CDC42SE2: variants seen among roughly 807,000 people sequenced by gnomAD.
CDC42SE2 encodes the protein CDC42 small effector 2.
CDC42SE2 carries 3 observed loss-of-function variants against 11.5 expected under a neutral mutation model. That is an observed-to-expected ratio of 0.26 (90% CI 0.12 to 0.67). The LOEUF (loss-of-function observed/expected upper bound fraction) is 0.67, where lower values mean the gene tolerates loss of function less well. Ranked by LOEUF, CDC42SE2 falls within the 30% of genes least tolerant of loss-of-function variation. CDC42SE2 has a pLI of 0.80. For missense variants in CDC42SE2, 82 were observed against 106.8 expected (o/e 0.77, Z 1.02); for synonymous variants, 33 against 34.8 (o/e 0.95, Z 0.18).
chr5:131,289,120 A>G (rs904970059), intron 1 of CDC42SE2, among the ~76,000 whole-genome samples: 1 of 152,120 alleles, frequency 6.6e-6, no homozygotes, highest in African/African-American at 2.4e-5. Context: ...TTTCTGGTGT[A>G]TTGTCTGTTG....
the CDC42SE2 span, among the ~76,000 whole-genome samples, chr5:131,216,521 AAC>A: frequency 6.6e-6 from 1 of 151,626 alleles, no homozygotes; most frequent in African/African-American, 2.4e-5. Flanking sequence ...AAAAAAAAAA[AAC>A]ATTATAGACT....
the CDC42SE2 span, among the ~76,000 whole-genome samples, chr5:131,234,033 T>C: frequency 1.3e-4 from 20 of 152,206 alleles, no homozygotes; most frequent in Non-Finnish European, 2.5e-4. Context: ...AATCTGGCAC[T>C]AGATTATTAT....
At chr5:131,304,178 C>G (rs986865957) in intron 1 of CDC42SE2, among the ~76,000 whole-genome samples, 5 of 151,908 alleles carry the variant, frequency 3.3e-5, no homozygotes, top group Admixed American at 6.6e-5. Flanking sequence ...GAAATGGGGT[C>G]TCTCTACATT....
intron 2 of CDC42SE2, among the ~76,000 whole-genome samples, chr5:131,346,972 C>T (rs1001004411): frequency 6.7e-6 from 1 of 148,824 alleles, no homozygotes; most frequent in Non-Finnish European, 1.5e-5. Context: ...AAAGACACAA[C>T]AAATCTCCGG....
intron 1 of CDC42SE2, among the ~76,000 whole-genome samples, chr5:131,285,893 CCTT>C (rs1561572320): frequency 6.6e-6 from 1 of 152,044 alleles, no homozygotes; most frequent in Admixed American, 6.6e-5. Flanking sequence ...TGTTTCTAAA[CCTT>C]CTTTGTGTCA....
rs142256745 is a variant in CDC42SE2, at chr5:131,283,620, A to G, written c.-455+19454A>G. 7.1e-3 allele frequency among the ~76,000 whole-genome samples: 1,071 copies of G among 151,650 alleles called. 27 individuals carry two copies. The highest frequency in any genetic ancestry group is 0.058 in the Admixed American group (889 of 15,246). On this transcript the variant is annotated intron_variant, in intron 1 of 4. Transcript: ENST00000505065. The stretch of plus-strand genomic sequence containing the variant: ...GTGATTCTCCTGCCTCAGCCTCCCA[A>G]GTAACTGGGATTGCAGGCCTGTGCC...
At position 131,275,493 on chromosome 5, in the gene CDC42SE2, C is replaced by T. The variant is rs143127315; in HGVS notation, c.-455+11327C>T. On this transcript the variant is annotated intron_variant, in intron 1 of 4. Coordinates refer to ENST00000505065, the MANE Select transcript of CDC42SE2 (RefSeq NM_001375635.1). ...GTTTTTAGTAGGGACCAGGTTTCAC[C>T]ATATTGGCCAGGCTGGTCTCAAACT... 4.1e-3 allele frequency among the ~76,000 whole-genome samples: 628 copies of T among 152,024 alleles called. 4 individuals carry two copies. Among genetic ancestry groups the T allele is most frequent in the African/African-American group, 0.013 (544 of 41,452 alleles).
At chr5:131,211,024 G>T in the CDC42SE2 span, among the ~76,000 whole-genome samples, 15,046 of 152,196 alleles carry the variant, frequency 0.099, 913 homozygotes, top group South Asian at 0.14. Flanking sequence ...TTTTAGTAGA[G>T]ATGAGGTTTT....
chr5:131,321,718 C>T (rs933152233), intron 2 of CDC42SE2, among the ~76,000 whole-genome samples: 3 of 148,506 alleles, frequency 2.0e-5, no homozygotes, highest in Non-Finnish European at 2.9e-5. Context: ...ATTCTATCTT[C>T]CCCCCCGCCA....
chr5:131,266,568 T>C (rs569538595), intron 1 of CDC42SE2, among the ~76,000 whole-genome samples: 1 of 151,678 alleles, frequency 6.6e-6, no homozygotes, highest in Non-Finnish European at 1.5e-5. Flanking sequence ...CGAGCTATTC[T>C]CATGCCTCAG....
chr5:131,325,319 A>G (rs1308655323), intron 2 of CDC42SE2, among the ~76,000 whole-genome samples: 1 of 152,178 alleles, frequency 6.6e-6, no homozygotes, highest in Non-Finnish European at 1.5e-5. Context: ...CTTCTTTATC[A>G]ACATTGAATA....
chr5:131,306,976 C>G (rs1000980439), intron 1 of CDC42SE2, among the ~76,000 whole-genome samples: 5 of 151,940 alleles, frequency 3.3e-5, no homozygotes, highest in Admixed American at 6.6e-5. Context: ...TCAGTTCTAA[C>G]AGTTTTTTGG....
At chr5:131,338,796 C>T (rs144197444) in intron 2 of CDC42SE2, among the ~76,000 whole-genome samples, 3 of 152,104 alleles carry the variant, frequency 2.0e-5, no homozygotes, top group Admixed American at 6.5e-5. Context: ...TACTGCCGAT[C>T]CAAATATGTA....
rs867830436 is a variant in CDC42SE2 at position 131,392,527 on chromosome 5, T to C, written c.*1436T>C. On this transcript the variant is annotated 3_prime_UTR_variant, in exon 5 of 5. Coordinates refer to ENST00000505065, the MANE Select transcript of CDC42SE2 (RefSeq NM_001375635.1). ...AAGTATGACCTTTTGGTCTGTTTGA[T>C]TGATTGATTAGAATTGCAATAAAAG... is the stretch of plus-strand genomic sequence containing the variant. 6.6e-6 allele frequency: 1 copy of C among 152,132 alleles called. No homozygotes were observed. The highest frequency in any genetic ancestry group is 2.4e-5 in the African/African-American group (1 of 41,414). 9.4% of individuals were successfully genotyped at this position (152,132 alleles called of 1,614,324 possible).
At chr5:131,229,572 T>G in the CDC42SE2 span, among the ~76,000 whole-genome samples, 1 of 152,092 alleles carries the variant, frequency 6.6e-6, no homozygotes, top group African/African-American at 2.4e-5. Flanking sequence ...TCAGTAATTG[T>G]TTTTTTAGCA....
chr5:131,367,984 T>C (rs1749907126), intron 3 of CDC42SE2, among the ~76,000 whole-genome samples: 1 of 152,112 alleles, frequency 6.6e-6, no homozygotes. Context: ...ACAGGCACGG[T>C]GGCTCACACC....
At chr5:131,268,679 C>T (rs1237860760) in intron 1 of CDC42SE2, among the ~76,000 whole-genome samples, 1 of 149,158 alleles carries the variant, frequency 6.7e-6, no homozygotes, top group Non-Finnish European at 1.5e-5. Context: ...CTCGAACTCC[C>T]GACTTCAGGT....
intron 1 of CDC42SE2, among the ~76,000 whole-genome samples, chr5:131,270,191 G>A (rs550330399): frequency 6.6e-6 from 1 of 152,138 alleles, no homozygotes; most frequent in South Asian, 2.1e-4. Context: ...TGGCTAACAC[G>A]GTGAAACCCC....
At chr5:131,226,310 G>C in the CDC42SE2 span, among the ~76,000 whole-genome samples, 2 of 152,180 alleles carry the variant, frequency 1.3e-5, no homozygotes, top group African/African-American at 2.4e-5. Flanking sequence ...GAATAAGCAG[G>C]AAAGCTCTAG....
Sources: gnomAD v4.1 joint callset for allele counts (sites outside exome capture counted in the v4.1 genomes callset) on GRCh38, gnomAD v4.1.1 for gene constraint, MANE v1.5 for transcripts, NCBI Gene and HGNC (gene_info 2026-07-23, HGNC 2026-07-21) for gene names.